The following GNAQ variants were observed in gnomAD, a reference collection of about 807,000 sequenced individuals.
The protein encoded by GNAQ is G protein subunit alpha q.
A neutral mutation model predicts 43.9 loss-of-function variants in GNAQ; 8 were observed. The observed-to-expected ratio is 0.18, with a 90% confidence interval of 0.11 to 0.33. The LOEUF is 0.33. GNAQ is among the 10% of genes least tolerant of loss of function. The pLI, the probability that GNAQ is intolerant of heterozygous loss-of-function variation, is 1.00. For synonymous variants in GNAQ, 155 were observed against 170.7 expected (o/e 0.91, Z 0.71); for missense variants, 158 against 450.8 (o/e 0.35, Z 5.88).
intron 2 of GNAQ, among the ~76,000 whole-genome samples, chr9:77,863,791 G>A (rs530188441): frequency 6.6e-6 from 1 of 152,280 alleles, no homozygotes; most frequent in African/African-American, 2.4e-5. Context: ...GCTGGCAGCA[G>A]GCAAAGAGAG....
intron 1 of GNAQ, among the ~76,000 whole-genome samples, chr9:77,979,366 A>AAAAATT (rs1554730325): frequency 2.0e-5 from 3 of 151,552 alleles, no homozygotes; most frequent in Non-Finnish European, 4.4e-5. Context: ...CAAAAAAAAA[A>AAAAATT]AAATTAAATT....
intron 2 of GNAQ, among the ~76,000 whole-genome samples, chr9:77,899,221 C>A (rs191400410): frequency 6.6e-6 from 1 of 152,024 alleles, no homozygotes; most frequent in African/African-American, 2.4e-5. Context: ...CTCAGCCTCC[C>A]GAGTAGCTAG....
At chr9:77,736,528 C>G (rs1977472) in intron 5 of GNAQ, among the ~76,000 whole-genome samples, 83,923 of 151,974 alleles carry the variant, frequency 0.55, 26,745 homozygotes, top group Non-Finnish European at 0.71. Flanking sequence ...GCATATGCAT[C>G]AATGTATTCT....
In GNAQ at chr9:77,882,382, C is replaced by T. The variant is rs1224550281; in HGVS notation, c.321+39779G>A. Among the ~76,000 whole-genome samples the T allele has an allele frequency of 3.9e-5, 6 of 152,078 alleles. No individual in the cohort carries two copies. The East Asian group carries it at 5.8e-4, about 15-fold the overall frequency. On this transcript the variant is annotated intron_variant, in intron 2 of 6. Transcript: ENST00000286548. ...AGCTTAAAAAAATAAGCCATCTGGA[C>T]GGCAGTTTGGCAAAACCTTTGACCC...
chr9:77,759,375 C>T (rs893012), intron 5 of GNAQ, among the ~76,000 whole-genome samples: 8,979 of 151,944 alleles, frequency 0.059, 797 homozygotes, highest in African/African-American at 0.2. Context: ...CTTTATGTTT[C>T]TGCTAAATTC....
intron 1 of GNAQ, among the ~76,000 whole-genome samples, chr9:77,956,924 T>C (rs576809408): frequency 2.0e-5 from 3 of 152,274 alleles, no homozygotes; most frequent in South Asian, 4.1e-4. Context: ...GAAATAGTAA[T>C]GTGTCTAGGT....
intron 1 of GNAQ, among the ~76,000 whole-genome samples, chr9:77,996,993 C>G (rs1188038820): frequency 6.6e-6 from 1 of 152,186 alleles, no homozygotes; most frequent in Non-Finnish European, 1.5e-5. Context: ...AAAATATTCA[C>G]TACGTATTAT....
intron 3 of GNAQ, among the ~76,000 whole-genome samples, chr9:77,807,268 C>T (rs1027678291): frequency 6.6e-6 from 1 of 152,062 alleles, no homozygotes; most frequent in Non-Finnish European, 1.5e-5. Flanking sequence ...CTTTGGCTCT[C>T]CTGTGACTGG....
At chr9:77,843,308 C>A (rs1471711405) in intron 2 of GNAQ, among the ~76,000 whole-genome samples, 4 of 152,126 alleles carry the variant, frequency 2.6e-5, no homozygotes, top group Admixed American at 1.3e-4. Context: ...GCTAAACTGT[C>A]CTAGAGACAG....
chr9:77,920,711 T>G (rs1412490562), intron 2 of GNAQ, among the ~76,000 whole-genome samples: 1 of 152,164 alleles, frequency 6.6e-6, no homozygotes, highest in Admixed American at 6.5e-5. Flanking sequence ...CCCTTGAAAA[T>G]AAAAGCAGGA....
chr9:77,826,331 G>GT (rs1417559758), intron 2 of GNAQ, among the ~76,000 whole-genome samples: 1 of 152,142 alleles, frequency 6.6e-6, no homozygotes, highest in Non-Finnish European at 1.5e-5. Context: ...TGTGTGCTTT[G>GT]TGTGATAAGG....
At chr9:77,761,271 G>C (rs1826010617) in intron 5 of GNAQ, among the ~76,000 whole-genome samples, 5 of 138,460 alleles carry the variant, frequency 3.6e-5, no homozygotes, top group Admixed American at 3.5e-4. Context: ...CCGGGAGGGA[G>C]GTGGGGGGGT....
chr9:77,836,027 C>T (rs1827378389), intron 2 of GNAQ, among the ~76,000 whole-genome samples: 1 of 152,076 alleles, frequency 6.6e-6, no homozygotes, highest in Non-Finnish European at 1.5e-5. Context: ...GAAAAAAAAT[C>T]TGAAATTTGA....
At chr9:77,744,916 A>T (rs1381760531) in intron 5 of GNAQ, among the ~76,000 whole-genome samples, 1 of 152,142 alleles carries the variant, frequency 6.6e-6, no homozygotes, top group Non-Finnish European at 1.5e-5. Flanking sequence ...ACAAAACCTA[A>T]TGAAGAAACT....
intron 2 of GNAQ, among the ~76,000 whole-genome samples, chr9:77,893,687 G>C (rs1283651436): frequency 2.0e-5 from 3 of 152,092 alleles, no homozygotes; most frequent in African/African-American, 7.2e-5. Flanking sequence ...ATCCCTTTCT[G>C]GTAACAATGA....
intron 5 of GNAQ, among the ~76,000 whole-genome samples, chr9:77,785,310 G>A (rs916954697): frequency 1.3e-5 from 2 of 152,152 alleles, no homozygotes; most frequent in African/African-American, 4.8e-5. Context: ...CCAGAAGCTG[G>A]AAGAGAAAAA....
At chr9:77,958,211 T>C (rs946797522) in intron 1 of GNAQ, among the ~76,000 whole-genome samples, 1 of 152,218 alleles carries the variant, frequency 6.6e-6, no homozygotes, top group Non-Finnish European at 1.5e-5. Context: ...GGCTTTGCTT[T>C]CTATTTTTCA....
chr9:77,992,428 G>T (rs1010427104), intron 1 of GNAQ, among the ~76,000 whole-genome samples: 4 of 151,980 alleles, frequency 2.6e-5, no homozygotes, highest in African/African-American at 9.7e-5. Flanking sequence ...ATTCTGAAAA[G>T]GATGAACACA....
intron 1 of GNAQ, among the ~76,000 whole-genome samples, chr9:77,967,477 G>A (rs116297689): frequency 0.011 from 1,627 of 152,106 alleles, 21 homozygotes; most frequent in African/African-American, 0.036. Context: ...TTAGCCACTC[G>A]AAGACCAACA....
Sources: allele counts gnomAD v4.1 joint callset (sites outside exome capture counted in the v4.1 genomes callset), GRCh38; gene constraint gnomAD v4.1.1; transcripts MANE v1.5; gene names NCBI Gene and HGNC (gene_info 2026-07-23, HGNC 2026-07-21).